ST18: variants seen among roughly 807,000 people sequenced by gnomAD.
ST18 encodes the protein ST18 C2H2C-type zinc finger transcription factor, also known as suppression of tumorigenicity 18 protein.
Under a neutral mutation model 110.0 loss-of-function variants are expected in ST18, and 50 were observed. That is an observed-to-expected ratio of 0.45 (90% CI 0.36 to 0.58). ST18 has a LOEUF of 0.58. ST18 is among the 20% of genes least tolerant of loss of function. The probability of loss-of-function intolerance (pLI) is 0.00; values close to 1 mark genes in which losing one functional copy is unlikely to be tolerated. For missense variants in ST18, 1,306 were observed against 1,280.1 expected (o/e 1.02, Z -0.31); for synonymous variants, 461 against 452.4 (o/e 1.02, Z -0.24).
At chr8:52,252,686 A>G (rs1197936636) in intron 2 of ST18, among the ~76,000 whole-genome samples, 1 of 152,034 alleles carries the variant, frequency 6.6e-6, no homozygotes, top group Non-Finnish European at 1.5e-5. Context: ...CAACTAAAAA[A>G]GAGTGAATCG....
chr8:52,338,670 C>T (rs189649185), intron 2 of ST18, among the ~76,000 whole-genome samples: 7 of 152,216 alleles, frequency 4.6e-5, no homozygotes, highest in East Asian at 1.9e-4. Context: ...GTGATTTGCC[C>T]GCCTTGGCCT....
intron 15 of ST18, 93 bp from the exon 16 acceptor site, chr8:52,150,070 C>CT: frequency 6.8e-7 from 1 of 1,468,042 alleles, no homozygotes; most frequent in Non-Finnish European, 9.1e-7. Context: ...TAAATGTAAG[C>CT]TTTTATGTAA....
At chr8:52,157,411 C>A (rs2060307326) in intron 15 of ST18, among the ~76,000 whole-genome samples, 1 of 151,868 alleles carries the variant, frequency 6.6e-6, no homozygotes, top group Non-Finnish European at 1.5e-5. Context: ...CATAGGACAG[C>A]CTGAATAACC....
intron 7 of ST18, among the ~76,000 whole-genome samples, chr8:52,213,251 T>A (rs1314970873): frequency 1.3e-5 from 2 of 152,102 alleles, no homozygotes; most frequent in Admixed American, 1.3e-4. Context: ...CTGAAAAAAA[T>A]TTTCCTTGAA....
At chr8:52,224,412 C>T (rs2088380957) in intron 3 of ST18, among the ~76,000 whole-genome samples, 1 of 152,124 alleles carries the variant, frequency 6.6e-6, no homozygotes, top group Admixed American at 6.5e-5. Context: ...TTTCTTCTGC[C>T]TAGCTTTCCA....
chr8:52,271,051 G>A (rs535302159), intron 2 of ST18, among the ~76,000 whole-genome samples: 55 of 151,756 alleles, frequency 3.6e-4, no homozygotes, highest in African/African-American at 1.3e-3. Context: ...GGCGCCCGCC[G>A]CCACGCCCAG....
At chr8:52,156,096 G>A (rs564862922) in intron 15 of ST18, among the ~76,000 whole-genome samples, 69 of 152,316 alleles carry the variant, frequency 4.5e-4, no homozygotes, top group Non-Finnish European at 7.9e-4. Context: ...ATGAAAGGAA[G>A]CTCACCTCTT....
intron 2 of ST18, among the ~76,000 whole-genome samples, chr8:52,328,744 T>C (rs1041887480): frequency 2.0e-5 from 3 of 152,146 alleles, no homozygotes; most frequent in Non-Finnish European, 4.4e-5. Context: ...ATGCAAGCTT[T>C]TGAGAGATAA....
chr8:52,149,640 A>C, intron 16 of ST18, 92 bp downstream of exon 16: 1 of 1,477,480 alleles, frequency 6.8e-7, no homozygotes, highest in Non-Finnish European at 9.1e-7. Flanking sequence ...TTATCTAAAC[A>C]GGAATGTGAA....
intron 2 of ST18, among the ~76,000 whole-genome samples, chr8:52,256,630 T>C (rs920282200): frequency 1.2e-4 from 19 of 152,146 alleles, no homozygotes; most frequent in African/African-American, 4.3e-4. Context: ...AGTGAACCAA[T>C]ACATGAGGCA....
chr8:52,402,265 G>A (rs898652308), intron 2 of ST18, among the ~76,000 whole-genome samples: 10 of 152,200 alleles, frequency 6.6e-5, no homozygotes, highest in African/African-American at 2.4e-4. Flanking sequence ...TAGCATCACT[G>A]TGTTCAAGGG....
chr8:52,391,252 C>G (rs543141861), intron 2 of ST18, among the ~76,000 whole-genome samples: 1 of 152,176 alleles, frequency 6.6e-6, no homozygotes, highest in Non-Finnish European at 1.5e-5. Flanking sequence ...ACAAATGTAT[C>G]TTTGCTTGCT....
At chr8:52,120,914 G>A (rs2044479990) in intron 23 of ST18, among the ~76,000 whole-genome samples, 7 of 152,084 alleles carry the variant, frequency 4.6e-5, no homozygotes, top group Admixed American at 4.6e-4. Flanking sequence ...GAGGGCTAGA[G>A]GTAGGGGGTG....
chr8:52,268,039 C>T (rs1374942108), intron 2 of ST18, among the ~76,000 whole-genome samples: 1 of 152,210 alleles, frequency 6.6e-6, no homozygotes, highest in African/African-American at 2.4e-5. Flanking sequence ...TGTTTACCCT[C>T]ATCAGCAAGT....
intron 2 of ST18, among the ~76,000 whole-genome samples, chr8:52,365,942 T>G (rs1462136178): frequency 6.6e-6 from 1 of 151,718 alleles, no homozygotes. Context: ...TTCAATCAAT[T>G]CTCCTGCCTC....
intron 15 of ST18, among the ~76,000 whole-genome samples, chr8:52,157,943 A>G (rs778530435): frequency 2.0e-5 from 3 of 152,278 alleles, no homozygotes; most frequent in Non-Finnish European, 4.4e-5. Context: ...TCTTCCACAT[A>G]AAGCAGGGTA....
chr8:52,387,913 C>T (rs901040778), intron 2 of ST18, among the ~76,000 whole-genome samples: 2 of 152,172 alleles, frequency 1.3e-5, no homozygotes, highest in African/African-American at 4.8e-5. Flanking sequence ...TTAACCAACA[C>T]TGACGTTTGT....
intron 2 of ST18, among the ~76,000 whole-genome samples, chr8:52,385,303 T>C (rs1221038746): frequency 1.3e-5 from 2 of 152,018 alleles, no homozygotes; most frequent in Non-Finnish European, 2.9e-5. Flanking sequence ...ATGCTAAGCA[T>C]GAGAGATGAA....
chr8:52,128,393 G>T (rs533729142), intron 22 of ST18, among the ~76,000 whole-genome samples: 105 of 152,244 alleles, frequency 6.9e-4, no homozygotes, highest in African/African-American at 2.3e-3. Context: ...CAAAGATATG[G>T]CATAGCACTA....
Sources: gnomAD v4.1 joint callset for allele counts (sites outside exome capture counted in the v4.1 genomes callset) on GRCh38, gnomAD v4.1.1 for gene constraint, MANE v1.5 for transcripts, NCBI Gene and HGNC (gene_info 2026-07-23, HGNC 2026-07-21) for gene names.